The following MFSD6 variants were observed in gnomAD, a reference collection of about 807,000 sequenced individuals.
The protein encoded by MFSD6 is major facilitator superfamily domain-containing protein 6.
In MFSD6, 26 loss-of-function variants were observed where a neutral mutation model predicts 56.3. That is an observed-to-expected ratio of 0.46 (90% CI 0.34 to 0.64). The LOEUF is 0.64. MFSD6 is among the 30% of genes least tolerant of loss of function. MFSD6 has a pLI of 0.01. For missense variants in MFSD6, 750 were observed against 986.2 expected (o/e 0.76, Z 3.21); for synonymous variants, 331 against 366.9 (o/e 0.90, Z 1.12).
intron 3 of MFSD6, among the ~76,000 whole-genome samples, chr2:190,453,009 G>A (rs921556440): frequency 6.6e-6 from 1 of 152,132 alleles, no homozygotes; most frequent in African/African-American, 2.4e-5. Flanking sequence ...TTCTAGGGTT[G>A]CAGTGTTGAA....
At chr2:190,409,712 T>C (rs375450671) in intron 1 of MFSD6, among the ~76,000 whole-genome samples, 2 of 152,316 alleles carry the variant, frequency 1.3e-5, no homozygotes, top group South Asian at 2.1e-4. Context: ...CCCCAAGATG[T>C]GGGCACTAGC....
In MFSD6 at chr2:190,443,475, A is replaced by T. The variant is rs1317730998; in HGVS notation, c.1532+5914A>T. ...TTTTTTTCTGTCAGTCTGATATATT[A>T]TGCTGTTTATAACTACAAGACCCAT... On this transcript the variant is annotated intron_variant, in intron 3 of 7. Coordinates refer to ENST00000392328, the MANE Select transcript of MFSD6 (RefSeq NM_017694.4). This position sits in a 1 kb window ranked among gnomAD's most constrained non-coding sequence, Gnocchi z 4.2. Among the ~76,000 whole-genome samples the T allele has an allele frequency of 6.6e-6, 1 of 152,216 alleles. No individual in the cohort carries two copies. Among genetic ancestry groups the T allele is most frequent in the Non-Finnish European group, 1.5e-5 (1 of 68,044 alleles).
Position 190,469,758 on chromosome 2 carries a change from G to C in MFSD6, c.1533G>C (p.Arg511Ser), listed in dbSNP as rs1323940065. ...ATTTTTATTTTTTATTTTTTTTTAGGGTTCTGTACATTGGCCTGGCCTGCA... is the reference window on the plus strand; with the variant it reads ...ATTTTTATTTTTTATTTTTTTTTAGCGTTCTGTACATTGGCCTGGCCTGCA... ...HKLIELIGHI[R>S]VLYIGLACNT... is the part of the protein sequence containing the mutation. The change falls in exon 4 of 8, where the codon AGG becomes AGC. Residue 511 changes from arginine (R) to serine (S), a missense_variant and splice_region_variant. Coordinates refer to ENST00000392328, the MANE Select transcript of MFSD6 (RefSeq NM_017694.4). This position sits in a 1 kb window ranked among gnomAD's most constrained non-coding sequence, Gnocchi z 5.3. 1 of 860,472 alleles carries C rather than the reference G, an allele frequency of 1.2e-6. No homozygotes were observed. Among genetic ancestry groups the C allele is most frequent in the African/African-American group, 2.6e-5 (1 of 38,140 alleles). The allele number at this position is 860,472 out of a possible 1,614,324, so 53.3% of individuals were successfully genotyped here.
In MFSD6 at chr2:190,463,593, G is replaced by A. The variant is rs1687441425; in HGVS notation, c.1533-6165G>A. Among the ~76,000 whole-genome samples, 1 of 152,206 alleles carries A rather than the reference G, an allele frequency of 6.6e-6. No homozygotes were observed. Among genetic ancestry groups the A allele is most frequent in the Admixed American group, 6.5e-5 (1 of 15,282 alleles). ...CCAGCAACTTTGGGAGGCTGAGATA[G>A]GAGGATTGCTTGAGCCCAGGAGTTC... On this transcript the variant is annotated intron_variant, in intron 3 of 7. Coordinates refer to ENST00000392328, the MANE Select transcript of MFSD6 (RefSeq NM_017694.4). This position sits in a 1 kb window ranked among gnomAD's most constrained non-coding sequence, Gnocchi z 4.4.
rs1686287349 is a variant in MFSD6, at chr2:190,439,289, A to C, written c.1532+1728A>C. On this transcript the variant is annotated intron_variant, in intron 3 of 7. Transcript: ENST00000392328. This position sits in a 1 kb window ranked among gnomAD's most constrained non-coding sequence, Gnocchi z 5.8. ...GAGTTCTTAGACATCATTATTTAATAAGTCAATAGCATGAGTTGAACACTG... is the reference window on the plus strand; with the variant it reads ...GAGTTCTTAGACATCATTATTTAATCAGTCAATAGCATGAGTTGAACACTG... Among the ~76,000 whole-genome samples the C allele has an allele frequency of 6.6e-6, 1 of 152,104 alleles. No individual in the cohort carries two copies. The highest frequency in any genetic ancestry group is 1.5e-5 in the Non-Finnish European group (1 of 68,016).
In MFSD6 at chr2:190,500,632, C is replaced by G. The variant is rs1689981311; in HGVS notation, c.*414C>G. The G allele has an allele frequency of 1.2e-5, 2 of 163,062 alleles. No homozygotes were observed. Among genetic ancestry groups the G allele is most frequent in the Non-Finnish European group, 2.7e-5 (2 of 74,426 alleles). 10.1% of individuals were successfully genotyped at this position (163,062 alleles called of 1,614,324 possible). On this transcript the variant is annotated 3_prime_UTR_variant, in exon 8 of 8. Transcript: ENST00000392328. The surrounding 1 kb of genome is among the most constrained non-coding windows in gnomAD (Gnocchi z 5.3). ...ATTCTTATTTGGTTCCTAACACAAA[C>G]TGGGAAGAGATAGAATTCATCTATA...
rs1246674316 is a variant in MFSD6, at chr2:190,469,773, C to T, written c.1548C>T (p.Gly516=). 1 of 1,589,186 alleles carries T rather than the reference C, an allele frequency of 6.3e-7. No individual in the cohort carries two copies. Among genetic ancestry groups the T allele is most frequent in the South Asian group, 1.1e-5 (1 of 88,798 alleles). The change falls in exon 4 of 8, where the codon GGC becomes GGT. Residue 516 remains glycine (G), a synonymous_variant. Coordinates refer to ENST00000392328, the MANE Select transcript of MFSD6 (RefSeq NM_017694.4). This position sits in a 1 kb window ranked among gnomAD's most constrained non-coding sequence, Gnocchi z 5.3. ...TTTTTTTTAGGGTTCTGTACATTGG[C>T]CTGGCCTGCAATACGGCTCGCTATA... The part of the protein sequence containing the change: ...LIGHIRVLYI[G]LACNTARYIY...
chr2:190,470,927 G>T (rs1421797731), intron 4 of MFSD6, among the ~76,000 whole-genome samples: 1 of 151,868 alleles, frequency 6.6e-6, no homozygotes, highest in Non-Finnish European at 1.5e-5. Flanking sequence ...ACTTTAAGAT[G>T]CTTTTCTCAG....
intron 4 of MFSD6, among the ~76,000 whole-genome samples, chr2:190,475,225 C>T (rs1688225273): frequency 6.6e-6 from 1 of 152,148 alleles, no homozygotes; most frequent in Non-Finnish European, 1.5e-5. Flanking sequence ...GGCAATCAGG[C>T]AGGAGAAGGA....
In MFSD6 at chr2:190,437,157, C is replaced by T. The variant is rs773090048; in HGVS notation, c.1128C>T (p.Gly376=). The change falls in exon 3 of 8, where the codon GGC becomes GGT. Residue 376 remains glycine, a synonymous_variant. Transcript: ENST00000392328. This position sits in a 1 kb window ranked among gnomAD's most constrained non-coding sequence, Gnocchi z 5.9. The part of the protein sequence containing the change: ...RNYQIVFIVF[G]VLMTMALIVA... ...ACCAGATCGTCTTCATCGTCTTCGG[C>T]GTTCTCATGACCATGGCCTTGATCG... The T allele has an allele frequency of 1.8e-5, 29 of 1,614,100 alleles. No individual in the cohort carries two copies. Among genetic ancestry groups the T allele is most frequent in the African/African-American group, 2.7e-5 (2 of 74,924 alleles).
At chr2:190,464,823 C>G (rs576085894) in intron 3 of MFSD6, 258 of 731,484 alleles carry the variant, frequency 3.5e-4, no homozygotes, top group Non-Finnish European at 4.2e-4. Flanking sequence ...TTTTACTCCC[C>G]TCACAGTATA....
chr2:190,447,913 CTTA>C lies in MFSD6; in HGVS notation c.1532+10356_1532+10358del, dbSNP rs1686642869. Among the ~76,000 whole-genome samples the C allele has an allele frequency of 1.3e-5, 2 of 152,130 alleles. No homozygotes were observed. Among genetic ancestry groups the C allele is most frequent in the Non-Finnish European group, 2.9e-5 (2 of 68,026 alleles). On this transcript the variant is annotated intron_variant, in intron 3 of 7. Coordinates refer to ENST00000392328, the MANE Select transcript of MFSD6 (RefSeq NM_017694.4). The surrounding 1 kb of genome is among the most constrained non-coding windows in gnomAD (Gnocchi z 4.5). Reference sequence around the variant, plus strand: ...CCATGTAATATAGCTACCAGGCTGACTTATTAATAACAGCATTACTTATAATCA... The same window carrying C: ...CCATGTAATATAGCTACCAGGCTGACTTAATAACAGCATTACTTATAATCA...
intron 3 of MFSD6, among the ~76,000 whole-genome samples, chr2:190,441,608 T>C (rs1249190556): frequency 5.3e-5 from 8 of 152,140 alleles, no homozygotes; most frequent in South Asian, 2.1e-4. Context: ...CTTATGTACA[T>C]GTGCTGGTCA....
At chr2:190,483,274 C>T (rs570720100) in intron 4 of MFSD6, among the ~76,000 whole-genome samples, 1 of 152,124 alleles carries the variant, frequency 6.6e-6, no homozygotes, top group African/African-American at 2.4e-5. Context: ...GTTACATTTA[C>T]TATAGAATAC....
intron 2 of MFSD6, among the ~76,000 whole-genome samples, chr2:190,421,027 G>A (rs1476267466): frequency 6.6e-6 from 1 of 152,192 alleles, no homozygotes; most frequent in Non-Finnish European, 1.5e-5. Flanking sequence ...GAAACCTTGT[G>A]TAACCTTATG....
At chr2:190,428,835 G>A (rs962721171) in intron 2 of MFSD6, among the ~76,000 whole-genome samples, 2 of 152,134 alleles carry the variant, frequency 1.3e-5, no homozygotes, top group Admixed American at 6.6e-5. Context: ...ACCATGCCTG[G>A]CTAATTTTTT....
chr2:190,432,034 T>A (rs1469104412), intron 2 of MFSD6, among the ~76,000 whole-genome samples: 1 of 152,196 alleles, frequency 6.6e-6, no homozygotes, highest in Admixed American at 6.5e-5. Flanking sequence ...CCTGTTTTGG[T>A]TCTGTTTTTC....
In MFSD6 at chr2:190,437,601, ACTTTAT is replaced by A. The variant is rs1388600128; in HGVS notation, c.1532+45_1532+50del. On this transcript the variant is annotated intron_variant, in intron 3 of 7. Coordinates refer to ENST00000392328, the MANE Select transcript of MFSD6 (RefSeq NM_017694.4). This position sits in a 1 kb window ranked among gnomAD's most constrained non-coding sequence, Gnocchi z 5.9. ...ACGATTGCTGCCCCTCAGCAATTGA[ACTTTAT>A]CTTTTTATGGTTTATAGCTCCTTCT... 6.3e-7 allele frequency: 1 copy of A among 1,577,828 alleles called. No homozygotes were observed. Among genetic ancestry groups the A allele is most frequent in the African/African-American group, 1.4e-5 (1 of 73,528 alleles).
intron 4 of MFSD6, among the ~76,000 whole-genome samples, chr2:190,475,913 C>G (rs1303015187): frequency 6.6e-6 from 1 of 152,062 alleles, no homozygotes; most frequent in African/African-American, 2.4e-5. Context: ...TGCCACATAT[C>G]TACAACTATC....
Sources: gnomAD v4.1 joint callset for allele counts (sites outside exome capture counted in the v4.1 genomes callset) on GRCh38, gnomAD v4.1.1 for gene constraint, Gnocchi (gnomAD v3.1) non-coding constraint, MANE v1.5 for transcripts, NCBI Gene and HGNC (gene_info 2026-07-23, HGNC 2026-07-21) for gene names.